Variants in SBF2 observed in about 807,000 individuals in gnomAD.
The protein encoded by SBF2 is myotubularin-related protein 13.
A neutral mutation model predicts 225.2 loss-of-function variants in SBF2; 112 were observed. The observed-to-expected ratio is 0.50, with a 90% CI of 0.43 to 0.58. The LOEUF (loss-of-function observed/expected upper bound fraction) is 0.58. Among genes scored for constraint, SBF2 ranks in the 20% least tolerant of loss-of-function variants. The pLI is 0.00. For missense variants in SBF2, 1,996 were observed against 2,206.2 expected (o/e 0.90, Z 1.91); for synonymous variants, 763 against 773.3 (o/e 0.99, Z 0.22).
intron 13 of SBF2, among the ~76,000 whole-genome samples, chr11:9,977,737 C>T (rs527321961): frequency 6.9e-4 from 105 of 152,266 alleles, no homozygotes; most frequent in African/African-American, 2.4e-3. Flanking sequence ...CTTCTCCTTC[C>T]TTCCACCTAA....
At chr11:10,063,858 C>CACAGAGAGAG (rs373423157) in intron 2 of SBF2, among the ~76,000 whole-genome samples, 50 of 136,236 alleles carry the variant, frequency 3.7e-4, no homozygotes, top group Middle Eastern at 3.6e-3. Flanking sequence ...CACACACACA[C>CACAGAGAGAG]AGAGAGAGAG....
At chr11:9,826,491 T>C (rs1054704389) in intron 28 of SBF2, among the ~76,000 whole-genome samples, 1 of 152,144 alleles carries the variant, frequency 6.6e-6, no homozygotes, top group Non-Finnish European at 1.5e-5. Flanking sequence ...AAAGCAAGCC[T>C]GACAAGAGTT....
At chr11:9,792,896 G>A (rs1428249968) in intron 33 of SBF2, among the ~76,000 whole-genome samples, 2 of 151,180 alleles carry the variant, frequency 1.3e-5, no homozygotes, top group African/African-American at 4.9e-5. Context: ...GCAACTACAG[G>A]AGTGCGCCAC....
intron 2 of SBF2, among the ~76,000 whole-genome samples, chr11:10,089,122 A>G (rs1362263671): frequency 6.6e-6 from 1 of 152,180 alleles, no homozygotes; most frequent in East Asian, 1.9e-4. Flanking sequence ...ATAGTGGCGA[A>G]GTCTGTACTT....
chr11:10,051,245 TA>T (rs1375834556), intron 2 of SBF2, among the ~76,000 whole-genome samples: 1 of 152,102 alleles, frequency 6.6e-6, no homozygotes, highest in African/African-American at 2.4e-5. Flanking sequence ...TGTCTCTTTT[TA>T]AAAAGCCTGT....
At chr11:10,126,634 G>C (rs1953768934) in intron 2 of SBF2, among the ~76,000 whole-genome samples, 2 of 152,090 alleles carry the variant, frequency 1.3e-5, no homozygotes, top group East Asian at 3.9e-4. Flanking sequence ...AATAAATACT[G>C]AAAAATTAAA....
chr11:10,121,583 C>G (rs780424616), intron 2 of SBF2, among the ~76,000 whole-genome samples: 1 of 152,216 alleles, frequency 6.6e-6, no homozygotes, highest in Non-Finnish European at 1.5e-5. Context: ...TTACATATGA[C>G]TAGCAGCTGA....
intron 14 of SBF2, among the ~76,000 whole-genome samples, chr11:9,967,266 A>T (rs894746931): frequency 3.3e-5 from 5 of 151,872 alleles, no homozygotes; most frequent in African/African-American, 1.2e-4. Context: ...CAGCTACTCA[A>T]GAGGCTGAGG....
intron 2 of SBF2, among the ~76,000 whole-genome samples, chr11:10,179,367 AAAAAAC>A (rs1222100807): frequency 8.3e-6 from 1 of 120,878 alleles, no homozygotes; most frequent in Non-Finnish European, 1.9e-5. Context: ...AAAAACAAAC[AAAAAAC>A]AAAAACAAAA....
chr11:9,856,850 C>T (rs1308467226), intron 18 of SBF2, 130 bp from the exon 19 acceptor site: 4 of 928,396 alleles, frequency 4.3e-6, no homozygotes, highest in African/African-American at 3.4e-5. Flanking sequence ...TGCAGTGGCA[C>T]GATCTTGGCT....
At chr11:10,025,548 T>G (rs1293247370) in intron 6 of SBF2, among the ~76,000 whole-genome samples, 1 of 152,164 alleles carries the variant, frequency 6.6e-6, no homozygotes, top group Non-Finnish European at 1.5e-5. Flanking sequence ...TCCTGGATCA[T>G]GGCTTGGCAA....
intron 2 of SBF2, among the ~76,000 whole-genome samples, chr11:10,091,280 T>G (rs1026710276): frequency 6.6e-6 from 1 of 152,142 alleles, no homozygotes; most frequent in African/African-American, 2.4e-5. Flanking sequence ...AGAACAGACA[T>G]GATACAAACT....
chr11:10,216,406 A>G (rs1958131253), intron 1 of SBF2, among the ~76,000 whole-genome samples: 1 of 152,220 alleles, frequency 6.6e-6, no homozygotes, highest in African/African-American at 2.4e-5. Context: ...GATGATAGCG[A>G]TAGCTTCTCA....
intron 2 of SBF2, among the ~76,000 whole-genome samples, chr11:10,101,100 A>T (rs1384299518): frequency 1.3e-5 from 2 of 152,152 alleles, no homozygotes; most frequent in East Asian, 3.9e-4. Context: ...TTGCTGGCAC[A>T]AGTTCAGCAG....
intron 6 of SBF2, among the ~76,000 whole-genome samples, chr11:10,018,636 C>T (rs1948734104): frequency 6.6e-6 from 1 of 152,120 alleles, no homozygotes; most frequent in Admixed American, 6.5e-5. Flanking sequence ...ATGGGCAGGA[C>T]AGTTTTGAAC....
At chr11:9,785,765 T>C (rs372687111) in intron 36 of SBF2, among the ~76,000 whole-genome samples, 10 of 152,274 alleles carry the variant, frequency 6.6e-5, no homozygotes, top group African/African-American at 2.4e-4. Flanking sequence ...CTTGGGATGA[T>C]CACCAGAACC....
chr11:10,179,925 T>C (rs971310697), intron 2 of SBF2, among the ~76,000 whole-genome samples: 2 of 152,216 alleles, frequency 1.3e-5, no homozygotes, highest in African/African-American at 2.4e-5. Context: ...TAATATCCTA[T>C]AACCAATTAC....
chr11:9,860,329 C>G (rs903949358), intron 17 of SBF2, among the ~76,000 whole-genome samples: 3 of 142,284 alleles, frequency 2.1e-5, no homozygotes, highest in African/African-American at 7.9e-5. Context: ...GTGGCATGAT[C>G]ATGGCTTACT....
chr11:9,870,370 G>C (rs1465662696), intron 17 of SBF2, among the ~76,000 whole-genome samples: 1 of 151,942 alleles, frequency 6.6e-6, no homozygotes, highest in Non-Finnish European at 1.5e-5. Context: ...AATTCACATG[G>C]AACCAAAAAA....
Sources: gnomAD v4.1 joint callset for allele counts (sites outside exome capture counted in the v4.1 genomes callset) on GRCh38, gnomAD v4.1.1 for gene constraint, MANE v1.5 for transcripts, NCBI Gene and HGNC (gene_info 2026-07-23, HGNC 2026-07-21) for gene names.